Variants in RLN1 observed in about 807,000 individuals in gnomAD.
RLN1 encodes prorelaxin H1.
RLN1 carries 4 observed loss-of-function variants against 7.2 expected under a neutral mutation model. The observed-to-expected ratio is 0.56, with a 90% confidence interval of 0.28 to 1.28. The LOEUF is 1.28. Ranked by LOEUF, RLN1 falls within the 50% of genes most tolerant of loss-of-function variation. The pLI, the probability that RLN1 is intolerant of heterozygous loss-of-function variation, is 0.11. For synonymous variants in RLN1, 105 were observed against 86.0 expected, an observed-to-expected ratio of 1.22 and a Z score of -1.22; for missense variants, 293 against 221.1, an observed-to-expected ratio of 1.32 and a Z score of -2.06.
intron 1 of RLN1, 60 bp downstream of exon 1, chr9:5,339,476 G>A (rs1816945340): frequency 1.6e-6 from 2 of 1,245,950 alleles, no homozygotes; most frequent in Admixed American, 2.2e-5. Flanking sequence ...CAATTGGGCG[G>A]CCGCCCCAGA....
At chr9:5,336,698 T>C (rs557447439) in intron 1 of RLN1, among the ~76,000 whole-genome samples, 13 of 152,224 alleles carry the variant, frequency 8.5e-5, no homozygotes, top group African/African-American at 3.1e-4. Context: ...TAAATTATAG[T>C]GTAAACTCAG....
At position 5,339,605 on chromosome 9, in the gene RLN1, C is replaced by G. The variant is rs780703839; in HGVS notation, c.142G>C (p.Gly48Arg). Reference protein sequence around the residue: ...ELVRAQIAICGMSTWSKRSLS... With the variant: ...ELVRAQIAICRMSTWSKRSLS... ...GACCTTTTGCTCCAGGTGCTCATGC[C>G]GCAAATGGCAATCTGCGCGCGAACT... is the stretch of plus-strand genomic sequence containing the variant. The change falls in exon 1 of 2, where the codon GGC becomes CGC. Residue 48 changes from glycine to arginine, a missense_variant. Coordinates refer to ENST00000223862, the MANE Select transcript of RLN1 (RefSeq NM_006911.4). The G allele has an allele frequency of 1.2e-6, 2 of 1,611,716 alleles. No individual in the cohort carries two copies. Among genetic ancestry groups the G allele is most frequent in the Non-Finnish European group, 1.7e-6 (2 of 1,179,890 alleles).
chr9:5,339,376 A>T (rs1020311315), intron 1 of RLN1, 160 bp downstream of exon 1: 7 of 545,352 alleles, frequency 1.3e-5, no homozygotes, highest in Non-Finnish European at 2.2e-5. Flanking sequence ...GCAAAGGAAA[A>T]GCCCAAACTT....
chr9:5,337,412 C>T (rs180921529), intron 1 of RLN1, among the ~76,000 whole-genome samples: 1 of 152,128 alleles, frequency 6.6e-6, no homozygotes. Flanking sequence ...GGAACCTAGG[C>T]TCAGAGAAAA....
At chr9:5,335,766 T>G (rs746299909) in intron 1 of RLN1, among the ~76,000 whole-genome samples, 169 bp from the exon 2 acceptor site, 1 of 152,068 alleles carries the variant, frequency 6.6e-6, no homozygotes, top group South Asian at 2.1e-4. Context: ...TTTCTTACAG[T>G]TGGACACCTT....
intron 1 of RLN1, 24 bp from the exon 2 acceptor site, chr9:5,335,621 T>C: frequency 6.7e-7 from 1 of 1,487,334 alleles, no homozygotes; most frequent in South Asian, 1.2e-5. Flanking sequence ...AAAAAAAGTG[T>C]ATGTGAAGGC....
At chr9:5,339,912 G>T, upstream of RLN1, 1 of 678,888 alleles carries the variant, frequency 1.5e-6, no homozygotes, top group Non-Finnish European at 2.5e-6. Flanking sequence ...TTTAAGGCAA[G>T]GTTGCCAGCT....
rs1257297589 is a variant in RLN1 at position 5,339,409 on chromosome 9, A to AG, written c.211+126dup. 4 of 624,236 alleles carry AG rather than the reference A, an allele frequency of 6.4e-6. No individual in the cohort carries two copies. In the African/African-American group the frequency reaches 1.1e-4, roughly 17 times the overall value. The allele number at this position is 624,236 out of a possible 1,614,324, so 38.7% of individuals were successfully genotyped here. ...CTTTAGGGACCAGCCACGGCTGAGT[A>AG]GGGGCTGAGCGGTGGCAGCCAATGA... On this transcript the variant is annotated intron_variant, in intron 1 of 1. Coordinates refer to ENST00000223862, the MANE Select transcript of RLN1 (RefSeq NM_006911.4).
At chr9:5,340,820 C>G (rs1816976846), upstream of RLN1, among the ~76,000 whole-genome samples, 1 of 152,194 alleles carries the variant, frequency 6.6e-6, no homozygotes, top group Non-Finnish European at 1.5e-5. Flanking sequence ...AAATAACTTA[C>G]TTGCTTGTGT....
rs1291538517 is a variant in RLN1, at chr9:5,335,213, T to A, written c.*38A>T. The A allele has an allele frequency of 7.9e-7, 1 of 1,270,818 alleles. No individual in the cohort carries two copies. Among genetic ancestry groups the A allele is most frequent in the East Asian group, 2.3e-5 (1 of 42,908 alleles). The allele number at this position is 1,270,818 out of a possible 1,614,324, so 78.7% of individuals were successfully genotyped here. A position where few individuals can be genotyped will look rare whatever the true frequency, so the allele number is the denominator to read the frequency against. On this transcript the variant is annotated 3_prime_UTR_variant, in exon 2 of 2. Coordinates refer to ENST00000223862, the MANE Select transcript of RLN1 (RefSeq NM_006911.4). Reference sequence around the variant, plus strand: ...TCAGTGAAATGTCATCAAGACTATGTGTGAAAATTAGACAAGATGTGCACA... The same window carrying A: ...TCAGTGAAATGTCATCAAGACTATGAGTGAAAATTAGACAAGATGTGCACA...
chr9:5,336,732 T>C (rs776356887), intron 1 of RLN1, among the ~76,000 whole-genome samples: 33 of 152,046 alleles, frequency 2.2e-4, no homozygotes, highest in Non-Finnish European at 3.8e-4. Flanking sequence ...GCTCTTCTTC[T>C]TGGACAGGAA....
In RLN1 at chr9:5,335,448, C is replaced by A. The variant is rs1315344493; in HGVS notation, c.361G>T (p.Asp121Tyr). Residue 121 changes from aspartate (D) to tyrosine (Y), a missense_variant, in exon 2 of 2, where the codon GAT becomes TAT. By Grantham distance (160) the Asp-to-Tyr change is radical. Coordinates refer to ENST00000223862, the MANE Select transcript of RLN1 (RefSeq NM_006911.4). ...AATTCTTCAAAGCTAAGATTGGAATCCTTTAATGCAGGTACATACTGCTGT... is the reference window on the plus strand; with the variant it reads ...AATTCTTCAAAGCTAAGATTGGAATACTTTAATGCAGGTACATACTGCTGT... ...ELQQYVPALK[D>Y]SNLSFEEFKK... is the part of the protein sequence containing the mutation. 1 of 1,613,706 alleles carries A rather than the reference C, an allele frequency of 6.2e-7. No individual in the cohort carries two copies. Among genetic ancestry groups the A allele is most frequent in the African/African-American group, 1.3e-5 (1 of 74,918 alleles).
intron 1 of RLN1, among the ~76,000 whole-genome samples, chr9:5,337,918 T>C (rs1458132594): frequency 6.6e-6 from 1 of 152,080 alleles, no homozygotes; most frequent in Non-Finnish European, 1.5e-5. Context: ...TAAGTTTATG[T>C]GGCAGATTTA....
chr9:5,340,539 G>C (rs1477064121), upstream of RLN1, among the ~76,000 whole-genome samples: 1 of 152,142 alleles, frequency 6.6e-6, no homozygotes, highest in South Asian at 2.1e-4. Context: ...GAGAGAAAGA[G>C]AGAGAGAAAA....
Position 5,335,453 on chromosome 9 carries a change from A to C in RLN1, c.356T>G (p.Leu119Ter), listed in dbSNP as rs1356704034. Reference protein sequence around the residue: ...LPELQQYVPALKDSNLSFEEF... With the variant: ...LPELQQYVPA ...TTCAAAGCTAAGATTGGAATCCTTT[A>C]ATGCAGGTACATACTGCTGTAGCTC... The change falls in exon 2 of 2, where the codon TTA (leucine) becomes TGA (stop). Residue 119 changes from leucine (L) to a stop codon, truncating the protein, a stop_gained. Coordinates refer to ENST00000223862, the MANE Select transcript of RLN1 (RefSeq NM_006911.4). LOFTEE classifies it low-confidence loss of function (END_TRUNC). The C allele has an allele frequency of 6.2e-7, 1 of 1,613,762 alleles. No individual in the cohort carries two copies. Among genetic ancestry groups the C allele is most frequent in the Non-Finnish European group, 8.5e-7 (1 of 1,179,810 alleles).
chr9:5,340,794 A>C (rs1816976241), upstream of RLN1, among the ~76,000 whole-genome samples: 1 of 152,226 alleles, frequency 6.6e-6, no homozygotes, highest in Non-Finnish European at 1.5e-5. Flanking sequence ...TTTAGTACAA[A>C]TAGGTTCATT....
intron 1 of RLN1, 44 bp from the exon 2 acceptor site, chr9:5,335,641 T>G (rs776401723): frequency 8.4e-7 from 1 of 1,183,644 alleles, no homozygotes; most frequent in East Asian, 2.4e-5. Context: ...CGTATTCACG[T>G]CAAAGAGCAT....
intron 1 of RLN1, 70 bp from the exon 2 acceptor site, chr9:5,335,667 A>G (rs1816875196): frequency 1.1e-6 from 1 of 908,644 alleles, no homozygotes; most frequent in Non-Finnish European, 1.7e-6. Flanking sequence ...AAAACTGTGA[A>G]TGTTTGCATA....
rs1816956041 is a variant in RLN1 at position 5,339,826 on chromosome 9, T to C, written c.-80A>G. ...CTGCTGTGGCCTACACACCTGGGCC[T>C]GTGTGCCTGTCCCGGGCTTTAGGCT... On this transcript the variant is annotated 5_prime_UTR_variant, in exon 1 of 2. Transcript: ENST00000223862. 2.1e-6 allele frequency: 3 copies of C among 1,419,244 alleles called. No homozygotes were observed. Among genetic ancestry groups the C allele is most frequent in the Admixed American group, 1.7e-5 (1 of 57,742 alleles). 87.9% of individuals were successfully genotyped at this position (1,419,244 alleles called of 1,614,324 possible). A position where few individuals can be genotyped will look rare whatever the true frequency, so the allele number is the denominator to read the frequency against.
Sources: gnomAD v4.1 joint callset for allele counts (sites outside exome capture counted in the v4.1 genomes callset) on GRCh38, gnomAD v4.1.1 for gene constraint, MANE v1.5 for transcripts, NCBI Gene and HGNC (gene_info 2026-07-23, HGNC 2026-07-21) for gene names.